Variants in TECR observed in about 807,000 individuals in gnomAD.
TECR encodes very-long-chain enoyl-CoA reductase.
In TECR, 19 loss-of-function variants were observed where a neutral mutation model predicts 50.6. The ratio of observed to expected loss-of-function variants is 0.38; its 90% CI spans 0.26 to 0.55. The LOEUF (loss-of-function observed/expected upper bound fraction) is 0.55, where lower values mean the gene tolerates loss of function less well. Among genes scored for constraint, TECR ranks in the 20% least tolerant of loss-of-function variants. TECR has a pLI of 0.79. For missense variants in TECR, 313 were observed against 408.3 expected, an observed-to-expected ratio of 0.77 and a Z score of 2.01; for synonymous variants, 168 against 163.5, an observed-to-expected ratio of 1.03 and a Z score of -0.21.
At chr19:14,547,558 C>T (rs2073347220) in intron 1 of TECR, among the ~76,000 whole-genome samples, 1 of 152,100 alleles carries the variant, frequency 6.6e-6, no homozygotes, top group African/African-American at 2.4e-5. Context: ...GATGAGTTTT[C>T]ACCATGTTAG....
At chr19:14,529,788 C>G in intron 1 of TECR, 77 bp downstream of exon 1, 2 of 1,599,432 alleles carry the variant, frequency 1.3e-6, no homozygotes, top group Non-Finnish European at 1.7e-6. Context: ...CACGGGACCC[C>G]ACTTTCTGGT....
intron 1 of TECR, among the ~76,000 whole-genome samples, chr19:14,539,670 G>GC (rs1249312031): frequency 2.0e-5 from 3 of 152,010 alleles, no homozygotes; most frequent in African/African-American, 7.3e-5. Context: ...CCACGTTCCT[G>GC]CCCTAAGCAC....
intron 1 of TECR, 160 bp downstream of exon 1, chr19:14,529,871 T>G: frequency 1.0e-6 from 1 of 985,964 alleles, no homozygotes; most frequent in South Asian, 1.4e-5. Context: ...CACTCGTAAA[T>G]TCCAATGCGC....
chr19:14,558,034 C>T (rs1193525629), intron 1 of TECR, among the ~76,000 whole-genome samples: 1 of 152,234 alleles, frequency 6.6e-6, no homozygotes, highest in Non-Finnish European at 1.5e-5. Flanking sequence ...GCATTACAGG[C>T]GTGAGCCACC....
At chr19:14,565,023 G>T in intron 9 of TECR, 31 bp downstream of exon 9, 1 of 1,613,902 alleles carries the variant, frequency 6.2e-7, no homozygotes, top group East Asian at 2.2e-5. Flanking sequence ...GACGGGGTCG[G>T]GGGAGTCTGG....
At chr19:14,543,603 T>C (rs1599440729) in intron 1 of TECR, among the ~76,000 whole-genome samples, 1 of 148,046 alleles carries the variant, frequency 6.8e-6, no homozygotes, top group East Asian at 2.0e-4. Context: ...CACGCCCGGC[T>C]AATTTTTTGT....
intron 1 of TECR, chr19:14,530,802 C>T (rs796152626): frequency 6.6e-6 from 1 of 152,190 alleles, no homozygotes; most frequent in East Asian, 1.9e-4. Context: ...AATTTACCAT[C>T]TTGACTATTT....
intron 1 of TECR, among the ~76,000 whole-genome samples, chr19:14,558,464 C>G (rs1191721794): frequency 6.6e-6 from 1 of 152,182 alleles, no homozygotes; most frequent in African/African-American, 2.4e-5. Context: ...TTGGCTCTGC[C>G]CTGACCTCGT....
At chr19:14,557,404 G>GT (rs1173283108) in intron 1 of TECR, among the ~76,000 whole-genome samples, 1 of 151,344 alleles carries the variant, frequency 6.6e-6, no homozygotes, top group Non-Finnish European at 1.5e-5. Flanking sequence ...GCCTCCCAAA[G>GT]TGCTGGGATT....
chr19:14,552,827 C>T (rs972210690), intron 1 of TECR, among the ~76,000 whole-genome samples: 1 of 152,074 alleles, frequency 6.6e-6, no homozygotes, highest in Non-Finnish European at 1.5e-5. Context: ...TGAGCCACTG[C>T]GCCCGGCCCA....
At chr19:14,536,843 A>C (rs1176035896) in intron 1 of TECR, 1 of 151,900 alleles carries the variant, frequency 6.6e-6, no homozygotes, top group Non-Finnish European at 1.5e-5. Flanking sequence ...GCATCGTATG[A>C]GCAGATACAT....
At chr19:14,552,757 T>C (rs6511938) in intron 1 of TECR, among the ~76,000 whole-genome samples, 125,414 of 151,674 alleles carry the variant, frequency 0.83, 52,802 homozygotes, top group African/African-American at 0.95. Flanking sequence ...AGGATGGTCT[T>C]GATCTCCTGA....
rs535906257 is a variant in TECR, at chr19:14,545,274, C to T, written c.15+15563C>T. The T allele has an allele frequency of 1.2e-4, 54 of 451,864 alleles. 1 individual carries two copies. The highest frequency in any genetic ancestry group is 5.2e-4 in the South Asian group (33 of 64,046). The allele number at this position is 451,864 out of a possible 1,614,324, so 28.0% of individuals were successfully genotyped here. On this transcript the variant is annotated intron_variant, in intron 1 of 12. Coordinates refer to ENST00000215567, the MANE Select transcript of TECR (RefSeq NM_138501.6). ...TCTGTTCCAGCCTCCGGGTGTCACC[C>T]GCTTCCCCAAAGCTCTGTGCTACCC...
At chr19:14,532,816 G>T (rs1417921455) in intron 1 of TECR, among the ~76,000 whole-genome samples, 1 of 151,984 alleles carries the variant, frequency 6.6e-6, no homozygotes. Context: ...CTACATCAAA[G>T]AATATATTTC....
At chr19:14,562,478 C>A in intron 1 of TECR, 47 bp from the exon 2 acceptor site, 1 of 1,612,866 alleles carries the variant, frequency 6.2e-7, no homozygotes, top group Non-Finnish European at 8.5e-7. Flanking sequence ...AGGCCCACAC[C>A]CCCAAAGGTG....
intron 1 of TECR, among the ~76,000 whole-genome samples, chr19:14,535,948 A>G (rs1222569616): frequency 1.3e-5 from 2 of 151,884 alleles, no homozygotes; most frequent in Non-Finnish European, 2.9e-5. Flanking sequence ...CTCCTGGTGG[A>G]GTCCCTTCTG....
Position 14,562,035 on chromosome 19 carries a change from C to T in TECR, c.16-490C>T, listed in dbSNP as rs547683016. 6 of 299,538 alleles carry T rather than the reference C, an allele frequency of 2.0e-5. No homozygotes were observed. In the East Asian group the frequency reaches 3.5e-4, roughly 18 times the overall value. The allele number at this position is 299,538 out of a possible 1,614,324, so 18.6% of individuals were successfully genotyped here. A position where few individuals can be genotyped will look rare whatever the true frequency, so the allele number is the denominator to read the frequency against. ...CCTGGGGCTTTCCCTGTGCTGGTGC[C>T]GTTGAGGGTTTTGAGGTGACCACTC... On this transcript the variant is annotated intron_variant, in intron 1 of 12. Coordinates refer to ENST00000215567, the MANE Select transcript of TECR (RefSeq NM_138501.6).
chr19:14,535,505 TCAAAAAAAAAAAAAAA>T (rs2072832821), intron 1 of TECR, among the ~76,000 whole-genome samples: 1 of 28,306 alleles, frequency 3.5e-5, no homozygotes, highest in African/African-American at 1.9e-4. Flanking sequence ...AGACTCCGTC[TCAAAAAAAAAAAAAAA>T]AAAAAAAAAA....
intron 1 of TECR, among the ~76,000 whole-genome samples, chr19:14,532,905 T>A: frequency 6.6e-6 from 1 of 151,058 alleles, no homozygotes; most frequent in Non-Finnish European, 1.5e-5. Context: ...AAGTCAGGAG[T>A]TCGAGACCAG....
Sources: allele counts gnomAD v4.1 joint callset (sites outside exome capture counted in the v4.1 genomes callset), GRCh38; gene constraint gnomAD v4.1.1; transcripts MANE v1.5; gene names NCBI Gene and HGNC (gene_info 2026-07-23, HGNC 2026-07-21).